USP6: variants seen among roughly 807,000 people sequenced by gnomAD.
The protein encoded by USP6 is ubiquitin specific peptidase 6, also known as ubiquitin carboxyl-terminal hydrolase 6.
USP6 carries 128 observed loss-of-function variants against 175.7 expected under a neutral mutation model. The observed-to-expected ratio is 0.73, with a 90% CI of 0.63 to 0.84. The LOEUF (loss-of-function observed/expected upper bound fraction) is 0.84, where lower values mean the gene tolerates loss of function less well. USP6 is among the 40% of genes least tolerant of loss of function. The pLI is 0.00. For synonymous variants in USP6, 562 were observed against 630.6 expected (o/e 0.89, Z 1.63); for missense variants, 1,498 against 1,760.3 (o/e 0.85, Z 2.67).
Position 5,147,069 on chromosome 17 carries a change from T to A in USP6, c.2320-14T>A, listed in dbSNP as rs1193053871. The A allele has an allele frequency of 2.5e-6, 4 of 1,604,106 alleles. No homozygotes were observed. Among genetic ancestry groups the A allele is most frequent in the Non-Finnish European group, 3.4e-6 (4 of 1,172,806 alleles). ...AAACATCTCCCCCTTCTCATCTTGC[T>A]GCTGTTTCTGTAGAACTTTCCTCAG... On this transcript the variant is annotated splice_polypyrimidine_tract_variant and intron_variant, in intron 28 of 37. Coordinates refer to ENST00000574788, the MANE Select transcript of USP6 (RefSeq NM_001304284.2).
In USP6 at chr17:5,171,679, G is replaced by C. The variant is rs779845538; in HGVS notation, c.4047G>C (p.Glu1349Asp). Reference protein sequence around the residue: ...KWYCYNDSSCEELHPDEIDTD... With the variant: ...KWYCYNDSSCDELHPDEIDTD... The stretch of plus-strand genomic sequence containing the variant: ...ACTGTTATAATGACAGCAGCTGTGA[G>C]GTAAACATTCTCAATCTTTGAATGA... Residue 1349 changes from glutamate (E) to aspartate (D), a missense_variant and splice_region_variant, in exon 37 of 38, where the codon GAG (glutamate) becomes GAC (aspartate). Transcript: ENST00000574788. 6.2e-7 allele frequency: 1 copy of C among 1,612,618 alleles called. No individual in the cohort carries two copies. The highest frequency in any genetic ancestry group is 8.5e-7 in the Non-Finnish European group (1 of 1,179,232).
chr17:5,146,266 C>G, intron 28 of USP6, 92 bp downstream of exon 28: 2 of 1,412,010 alleles, frequency 1.4e-6, no homozygotes, highest in Non-Finnish European at 1.9e-6. Flanking sequence ...GTTATGTGAC[C>G]AAGAGAGATA....
At chr17:5,138,742 A>G (rs1351801241) in intron 21 of USP6, among the ~76,000 whole-genome samples, 1 of 152,194 alleles carries the variant, frequency 6.6e-6, no homozygotes. Context: ...CAGGGCATTC[A>G]GGGAGAGGGC....
chr17:5,164,320 G>GAATAAGTATAATTTGTGGATACTTGTCA (rs1245825661), intron 33 of USP6, among the ~76,000 whole-genome samples: 88 of 152,264 alleles, frequency 5.8e-4, no homozygotes, highest in African/African-American at 2.1e-3. Context: ...TTCTAGCCAG[G>GAATAAGTATAATTTGTGGATACTTGTCA]AATAAGTATA....
intron 35 of USP6, among the ~76,000 whole-genome samples, chr17:5,170,095 AG>A (rs1203274484): frequency 6.6e-6 from 1 of 152,176 alleles, no homozygotes; most frequent in Non-Finnish European, 1.5e-5. Context: ...GCCTAACAAT[AG>A]GAAGTACTCA....
intron 33 of USP6, among the ~76,000 whole-genome samples, chr17:5,166,391 G>A (rs1008485099): frequency 6.6e-6 from 1 of 152,162 alleles, no homozygotes; most frequent in African/African-American, 2.4e-5. Context: ...TGACTCTCAT[G>A]TAGGGAAAAA....
chr17:5,144,586 A>G, intron 25 of USP6, 104 bp from the exon 26 acceptor site: 5 of 1,326,642 alleles, frequency 3.8e-6, no homozygotes, highest in South Asian at 1.4e-5. Context: ...ACTAAGTACT[A>G]TACTATTTAT....
chr17:5,135,217 C>G lies in USP6; in HGVS notation c.495-17C>G. On this transcript the variant is annotated splice_polypyrimidine_tract_variant and intron_variant, in intron 15 of 37. Transcript: ENST00000574788. ...TCTGCACAAACCAAACCATAGCCCC[C>G]TTTCTGTGTTTCCTAGGCAGAGGGA... 6.2e-7 allele frequency: 1 copy of G among 1,612,190 alleles called. No individual in the cohort carries two copies. Among genetic ancestry groups the G allele is most frequent in the Non-Finnish European group, 8.5e-7 (1 of 1,178,622 alleles).
chr17:5,143,626 G>C (rs564729597), intron 25 of USP6, among the ~76,000 whole-genome samples: 1 of 151,908 alleles, frequency 6.6e-6, no homozygotes, highest in African/African-American at 2.4e-5. Flanking sequence ...GCGGAGGGCC[G>C]CAGGGTCCTC....
chr17:5,134,317 G>T (rs1019739376), intron 15 of USP6: 4 of 339,758 alleles, frequency 1.2e-5, no homozygotes, highest in Non-Finnish European at 2.2e-5. Context: ...TGGCAGGATG[G>T]AGGGCCCATG....
rs765627396 is a variant in USP6 at position 5,132,281 on chromosome 17, G to A, written c.156-115G>A. ...CCTCCCTTCCCTGTGCCTTCTCCCG[G>A]GCTGAGCCCTGAGCTGGATAGGGAC... On this transcript the variant is annotated intron_variant, in intron 11 of 37. Coordinates refer to ENST00000574788, the MANE Select transcript of USP6 (RefSeq NM_001304284.2). The surrounding 1 kb of genome is among the most constrained non-coding windows in gnomAD (Gnocchi z 4.7). 63 of 1,608,984 alleles carry A rather than the reference G, an allele frequency of 3.9e-5. No homozygotes were observed. Among genetic ancestry groups the A allele is most frequent in the Admixed American group, 3.5e-4 (21 of 59,808 alleles).
chr17:5,155,345 T>C (rs968103058), intron 30 of USP6, 77 bp from the exon 31 acceptor site: 27 of 1,507,390 alleles, frequency 1.8e-5, no homozygotes, highest in Non-Finnish European at 2.5e-5. Context: ...ATGCCTATCA[T>C]TGGCAGAGTT....
At chr17:5,148,462 A>C in intron 29 of USP6, 94 bp from the exon 30 acceptor site, 4 of 1,420,718 alleles carry the variant, frequency 2.8e-6, no homozygotes, top group Non-Finnish European at 2.9e-6. Flanking sequence ...GTGTTAAGAG[A>C]CTACACTGTC....
chr17:5,167,065 G>C (rs565635976), intron 33 of USP6, among the ~76,000 whole-genome samples: 3 of 152,270 alleles, frequency 2.0e-5, no homozygotes, highest in African/African-American at 7.2e-5. Context: ...TTATAGACTT[G>C]GTATTCTGAT....
At chr17:5,141,641 A>G in intron 23 of USP6, 142 bp downstream of exon 23, 1 of 729,996 alleles carries the variant, frequency 1.4e-6, no homozygotes, top group East Asian at 3.1e-5. Context: ...CTGAAGCAGC[A>G]TTTGATGTTG....
At chr17:5,168,579 G>A (rs1263178199) in intron 34 of USP6, among the ~76,000 whole-genome samples, 188 bp from the exon 35 acceptor site, 1 of 152,230 alleles carries the variant, frequency 6.6e-6, no homozygotes, top group Non-Finnish European at 1.5e-5. Context: ...GCACAAGGAC[G>A]CCAGTGCACT....
At chr17:5,156,168 T>G (rs1370672313) in intron 31 of USP6, among the ~76,000 whole-genome samples, 5 of 152,254 alleles carry the variant, frequency 3.3e-5, no homozygotes, top group African/African-American at 4.8e-5. Flanking sequence ...TAAAAATAAT[T>G]AACATTTTCT....
In USP6 at chr17:5,168,863, T is replaced by C; in HGVS notation, c.3325T>C (p.Phe1109Leu). The C allele has an allele frequency of 6.2e-7, 1 of 1,613,474 alleles. No individual in the cohort carries two copies. The highest frequency in any genetic ancestry group is 8.5e-7 in the Non-Finnish European group (1 of 1,179,746). Residue 1109 changes from phenylalanine to leucine, a missense_variant, in exon 35 of 38, where the codon TTT (phenylalanine) becomes CTT (leucine). Physicochemically the swap from Phe to Leu is conservative, Grantham distance 22. Transcript: ENST00000574788. Reference protein sequence around the residue: ...FLRESFDPSAFLVPRDPALCQ... With the variant: ...FLRESFDPSALLVPRDPALCQ... ...TCGGGAAAGTTTTGATCCGAGTGCT[T>C]TTTTGGTACCACGAGACCCGGCCCT...
rs1192924431 is a variant in USP6 at position 5,169,981 on chromosome 17, A to C, written c.3518-498A>C. Among the ~76,000 whole-genome samples the C allele has an allele frequency of 3.9e-5, 6 of 152,208 alleles. 1 individual carries two copies. The highest frequency in any genetic ancestry group is 4.1e-4 in the South Asian group (2 of 4,834). ...GTTCTCAATAATTTTTAAAGGTATA[A>C]AAGGGGGTAGGGGTAAGAGGCTATA... On this transcript the variant is annotated intron_variant, in intron 35 of 37. Coordinates refer to ENST00000574788, the MANE Select transcript of USP6 (RefSeq NM_001304284.2).
Sources: allele counts gnomAD v4.1 joint callset (sites outside exome capture counted in the v4.1 genomes callset), GRCh38; gene constraint gnomAD v4.1.1; non-coding constraint Gnocchi (gnomAD v3.1); transcripts MANE v1.5; gene names NCBI Gene and HGNC (gene_info 2026-07-23, HGNC 2026-07-21).